Variants in PCDHA3 observed in about 807,000 individuals in gnomAD.
The protein encoded by PCDHA3 is protocadherin alpha 3.
A neutral mutation model predicts 62.2 loss-of-function variants in PCDHA3; 41 were observed. The observed-to-expected ratio is 0.66, with a 90% CI of 0.51 to 0.86. The LOEUF (loss-of-function observed/expected upper bound fraction) is 0.86. Ranked by LOEUF, PCDHA3 falls within the 40% of genes least tolerant of loss-of-function variation. The probability of loss-of-function intolerance (pLI) is 0.00; values close to 1 mark genes in which losing one functional copy is unlikely to be tolerated. For synonymous variants in PCDHA3, 640 were observed against 555.4 expected (o/e 1.15, Z -2.14); for missense variants, 1,304 against 1,241.2 (o/e 1.05, Z -0.76).
chr5:140,805,345 TA>T, intron 1 of PCDHA3: 1 of 1,219,244 alleles, frequency 8.2e-7, no homozygotes, highest in Non-Finnish European at 1.0e-6. Context: ...GATCATTTTG[TA>T]AAAATATAGT....
rs57893927 is a variant in PCDHA3 at position 140,946,631 on chromosome 5, T to TATATATATATATATATATATATATATAC, written c.2395-32317_2395-32316insTATATATATATATATATATATATATACA. On this transcript the variant is annotated intron_variant, in intron 1 of 3. Transcript: ENST00000522353. ...TGTGAAATATATATATATATATATA[T>TATATATATATATATATATATATATATAC]ACAATGGAATACTCATCAGCCATTA... Among the ~76,000 whole-genome samples the TATATATATATATATATATATATATATAC allele has an allele frequency of 2.1e-3, 277 of 131,730 alleles. 14 individuals carry two copies. Among genetic ancestry groups the TATATATATATATATATATATATATATAC allele is most frequent in the African/African-American group, 7.7e-3 (221 of 28,616 alleles). The allele number at this position is 131,730 out of a possible 152,430, so 86.4% of individuals were successfully genotyped here.
Position 140,803,571 on chromosome 5 carries a change from G to T in PCDHA3, c.2374G>T (p.Asp792Tyr), listed in dbSNP as rs1763239715. The T allele has an allele frequency of 6.2e-7, 1 of 1,614,096 alleles. No individual in the cohort carries two copies. Among genetic ancestry groups the T allele is most frequent in the African/African-American group, 1.3e-5 (1 of 74,936 alleles). ...GGATAGAGAGGAGAAACAGGATGTG[G>T]ACGTTGATCTCTCAGCCAAAGTGAG... ...SRDREEKQDV[D>Y]VDLSAKPRQP... The change falls in exon 1 of 4, where the codon GAC (aspartate) becomes TAC (tyrosine). Residue 792 changes from aspartate to tyrosine, a missense_variant. Physicochemically the swap from Asp to Tyr is radical, Grantham distance 160. Coordinates refer to ENST00000522353, the MANE Select transcript of PCDHA3 (RefSeq NM_018906.3).
At position 140,858,707 on chromosome 5, in the gene PCDHA3, A is replaced by G. The variant is rs1234055961; in HGVS notation, c.2394+55116A>G. On this transcript the variant is annotated intron_variant, in intron 1 of 3. Transcript: ENST00000522353. The stretch of plus-strand genomic sequence containing the variant: ...TAATATTTTCCAATACAAATATGTG[A>G]TATAGGTTGCAGTTCTGACGATTTA... 2 of 547,800 alleles carry G rather than the reference A, an allele frequency of 3.7e-6. 1 individual carries two copies. Among genetic ancestry groups the G allele is most frequent in the Non-Finnish European group, 6.3e-6 (2 of 316,316 alleles). The allele number at this position is 547,800 out of a possible 1,614,324, so 33.9% of individuals were successfully genotyped here.
chr5:140,806,052 C>T (rs1019099604), intron 1 of PCDHA3, among the ~76,000 whole-genome samples: 1 of 152,096 alleles, frequency 6.6e-6, no homozygotes, highest in African/African-American at 2.4e-5. Context: ...ATGGCCCACG[C>T]GATTCCACCC....
chr5:140,882,501 A>G lies in PCDHA3; in HGVS notation c.2394+78910A>G, dbSNP rs782169319. On this transcript the variant is annotated intron_variant, in intron 1 of 3. Transcript: ENST00000522353. Reference sequence around the variant, plus strand: ...AGACACGGGGACCTTCTGGAGGTAAATCTGCAGAATGGCATTTTGTTTGTG... The same window carrying G: ...AGACACGGGGACCTTCTGGAGGTAAGTCTGCAGAATGGCATTTTGTTTGTG... 1 of 1,614,098 alleles carries G rather than the reference A, an allele frequency of 6.2e-7. No individual in the cohort carries two copies. Among genetic ancestry groups the G allele is most frequent in the Non-Finnish European group, 8.5e-7 (1 of 1,180,032 alleles).
At chr5:140,828,165 A>T (rs2150151660) in intron 1 of PCDHA3, 1 of 1,614,154 alleles carries the variant, frequency 6.2e-7, no homozygotes, top group South Asian at 1.1e-5. Flanking sequence ...GCAGCCTGGA[A>T]GGTGGGGAGC....
chr5:140,850,459 G>A (rs2150485191), intron 1 of PCDHA3: 2 of 1,598,012 alleles, frequency 1.3e-6, no homozygotes, highest in South Asian at 2.2e-5. Context: ...AAAGACCACG[G>A]GGAGCCAGCG....
rs2041387990 is a variant in PCDHA3, at chr5:140,850,164, G to T, written c.2394+46573G>T. On this transcript the variant is annotated intron_variant, in intron 1 of 3. Transcript: ENST00000522353. ...CGTGACGCTGCAGGTGTTCGTGCTGGACGAGAACGACAATGCGCCGGCGCT... is the reference window on the plus strand; with the variant it reads ...CGTGACGCTGCAGGTGTTCGTGCTGTACGAGAACGACAATGCGCCGGCGCT... 7 of 1,594,758 alleles carry T rather than the reference G, an allele frequency of 4.4e-6. 1 individual carries two copies. Among genetic ancestry groups the T allele is most frequent in the Non-Finnish European group, 6.0e-6 (7 of 1,167,800 alleles).
chr5:140,841,346 C>T, intron 1 of PCDHA3: 1 of 1,612,554 alleles, frequency 6.2e-7, no homozygotes, highest in Non-Finnish European at 8.5e-7. Context: ...GCGAGGAGAG[C>T]TGGGATCCTG....
intron 1 of PCDHA3, among the ~76,000 whole-genome samples, chr5:140,885,118 C>CT (rs782576516): frequency 6.6e-6 from 1 of 152,022 alleles, no homozygotes; most frequent in Non-Finnish European, 1.5e-5. Context: ...TTTAAGTGCA[C>CT]TTTTCTTTCT....
intron 1 of PCDHA3, among the ~76,000 whole-genome samples, chr5:140,923,449 G>A (rs189150090): frequency 6.6e-6 from 1 of 152,166 alleles, no homozygotes; most frequent in African/African-American, 2.4e-5. Flanking sequence ...GATCACCTGA[G>A]CCCAGAGAGG....
At chr5:140,887,668 A>G (rs1047587717) in intron 1 of PCDHA3, among the ~76,000 whole-genome samples, 1 of 151,958 alleles carries the variant, frequency 6.6e-6, no homozygotes, top group Non-Finnish European at 1.5e-5. Context: ...CTGTGGATTT[A>G]TCATTTTCAT....
At chr5:140,956,156 T>C (rs1467785699) in intron 1 of PCDHA3, among the ~76,000 whole-genome samples, 1 of 152,204 alleles carries the variant, frequency 6.6e-6, no homozygotes, top group Non-Finnish European at 1.5e-5. Flanking sequence ...TCTTTCCTAA[T>C]TGCCATAGCC....
At chr5:140,896,811 T>G (rs2065758053) in intron 1 of PCDHA3, among the ~76,000 whole-genome samples, 1 of 152,266 alleles carries the variant, frequency 6.6e-6, no homozygotes, top group African/African-American at 2.4e-5. Flanking sequence ...GGTTGTCTGT[T>G]TACTCTGTTC....
chr5:140,838,085 T>A (rs1166468292), intron 1 of PCDHA3, among the ~76,000 whole-genome samples: 6 of 64,192 alleles, frequency 9.3e-5, no homozygotes, highest in Non-Finnish European at 1.9e-4. Context: ...ATAGTGTGTG[T>A]GTGTGTGTGT....
At chr5:140,807,072 A>ATG in intron 1 of PCDHA3, 1 of 1,174,706 alleles carries the variant, frequency 8.5e-7, no homozygotes, top group Non-Finnish European at 1.2e-6. Flanking sequence ...GGAACCATAT[A>ATG]CACTCTTTGG....
At chr5:140,970,920 G>A (rs957123423) in intron 1 of PCDHA3, among the ~76,000 whole-genome samples, 2 of 152,266 alleles carry the variant, frequency 1.3e-5, no homozygotes, top group Non-Finnish European at 2.9e-5. Flanking sequence ...TTTATCAGAA[G>A]TGCCTGGTGT....
chr5:140,838,754 T>C lies in PCDHA3; in HGVS notation c.2394+35163T>C, dbSNP rs1775868330. Among the ~76,000 whole-genome samples, 3 of 152,010 alleles carry C rather than the reference T, an allele frequency of 2.0e-5. No individual in the cohort carries two copies. In the South Asian group the frequency reaches 6.2e-4, roughly 32 times the overall value. On this transcript the variant is annotated intron_variant, in intron 1 of 3. Transcript: ENST00000522353. ...AGTTTGAGACCAGCTTGTGCATCTT[T>C]TGTAGAGACTTTGTAAAATTAGCTA...
At chr5:140,969,760 C>T (rs1166018588) in intron 1 of PCDHA3, among the ~76,000 whole-genome samples, 1 of 152,194 alleles carries the variant, frequency 6.6e-6, no homozygotes, top group Non-Finnish European at 1.5e-5. Flanking sequence ...TTAAAAAGCT[C>T]TGAGGCCTCT....
Sources: allele counts gnomAD v4.1 joint callset (sites outside exome capture counted in the v4.1 genomes callset), GRCh38; gene constraint gnomAD v4.1.1; transcripts MANE v1.5; gene names NCBI Gene and HGNC (gene_info 2026-07-23, HGNC 2026-07-21).